Variants in ALDH1L2 observed in about 807,000 individuals in gnomAD.
ALDH1L2 encodes aldehyde dehydrogenase 1 family member L2.
Under a neutral mutation model 111.0 loss-of-function variants are expected in ALDH1L2, and 91 were observed. The observed-to-expected ratio is 0.82, with a 90% CI of 0.69 to 0.98. The LOEUF (loss-of-function observed/expected upper bound fraction) is 0.98. Among genes scored for constraint, ALDH1L2 ranks in the 50% least tolerant of loss-of-function variants. ALDH1L2 has a pLI of 0.00. For missense variants in ALDH1L2, 995 were observed against 1,126.8 expected (o/e 0.88, Z 1.67); for synonymous variants, 374 against 392.6 (o/e 0.95, Z 0.56).
rs775179131 is a variant in ALDH1L2, at chr12:105,024,435, G to A, written c.2761C>T (p.Leu921=). The change falls in exon 23 of 23, where the codon CTG becomes TTG. Residue 921 remains leucine, a synonymous_variant. Transcript: ENST00000258494. ...NEYLKTKTVT[L]EY ...ATGATGGTGTTGCTCTAATATTCCA[G>A]TGTCACCGTCTTGGTTTTGAGATAT... The A allele has an allele frequency of 5.0e-6, 8 of 1,614,048 alleles. No homozygotes were observed. The East Asian group carries it at 1.3e-4, about 27-fold the overall frequency.
At chr12:105,052,059 T>C in intron 12 of ALDH1L2, 31 bp downstream of exon 12, 2 of 1,534,116 alleles carry the variant, frequency 1.3e-6, no homozygotes, top group Non-Finnish European at 1.7e-6. Context: ...GTTACTTTTC[T>C]AAAAAATAAA....
chr12:105,064,656 C>G (rs1445604996), intron 6 of ALDH1L2, among the ~76,000 whole-genome samples: 2 of 152,168 alleles, frequency 1.3e-5, no homozygotes. Flanking sequence ...CAGAGTGTTG[C>G]TGGAACCCAG....
chr12:105,077,139 G>A (rs750126539), intron 1 of ALDH1L2, among the ~76,000 whole-genome samples: 25 of 152,362 alleles, frequency 1.6e-4, no homozygotes, highest in African/African-American at 5.8e-4. Context: ...TGGAAGTGAC[G>A]TGGGAGACAG....
At chr12:105,033,001 T>C (rs1482548039) in intron 19 of ALDH1L2, among the ~76,000 whole-genome samples, 1 of 152,248 alleles carries the variant, frequency 6.6e-6, no homozygotes, top group Admixed American at 6.5e-5. Flanking sequence ...TCCTCAGTTA[T>C]CTTAACCTAC....
At chr12:105,069,877 T>G (rs1386196515) in intron 3 of ALDH1L2, among the ~76,000 whole-genome samples, 1 of 152,192 alleles carries the variant, frequency 6.6e-6, no homozygotes, top group Non-Finnish European at 1.5e-5. Flanking sequence ...ATACAAATGT[T>G]GTGCAAAGTC....
chr12:105,082,539 T>C (rs1326111744), intron 1 of ALDH1L2, among the ~76,000 whole-genome samples: 1 of 152,248 alleles, frequency 6.6e-6, no homozygotes, highest in African/African-American at 2.4e-5. Flanking sequence ...TCATTCCTTT[T>C]TCCCCCAACT....
intron 10 of ALDH1L2, among the ~76,000 whole-genome samples, chr12:105,057,307 G>A (rs138839281): frequency 4.1e-4 from 62 of 152,162 alleles, no homozygotes; most frequent in African/African-American, 1.3e-3. Context: ...TCATACATTG[G>A]TGGGATTACA....
intron 4 of ALDH1L2, among the ~76,000 whole-genome samples, chr12:105,067,707 C>A (rs1416060373): frequency 6.6e-6 from 1 of 152,122 alleles, no homozygotes; most frequent in Admixed American, 6.5e-5. Flanking sequence ...GCTGACCAAC[C>A]CACCCAAGAG....
intron 1 of ALDH1L2, among the ~76,000 whole-genome samples, chr12:105,083,927 C>T (rs1013626771): frequency 6.6e-6 from 1 of 152,200 alleles, no homozygotes; most frequent in African/African-American, 2.4e-5. Context: ...GTGCCAGTCT[C>T]GAGCGCTTAC....
intron 19 of ALDH1L2, 102 bp from the exon 20 acceptor site, chr12:105,032,036 C>A: frequency 4.9e-6 from 6 of 1,214,410 alleles, no homozygotes; most frequent in Middle Eastern, 2.2e-4. Context: ...GATGTATTGT[C>A]ATTTAGTCTT....
In ALDH1L2 at chr12:105,044,188, G is replaced by GT. The variant is rs540596065; in HGVS notation, c.1863+2521dup. The stretch of plus-strand genomic sequence containing the variant: ...ATTTCCATGGAGACAGAAACTTTGT[G>GT]TATCTTCATCACTACTACCTATCTG... On this transcript the variant is annotated intron_variant, in intron 15 of 22. Transcript: ENST00000258494. Among the ~76,000 whole-genome samples the GT allele has an allele frequency of 5.9e-5, 9 of 152,298 alleles. No individual in the cohort carries two copies. The East Asian group carries it at 1.5e-3, about 26-fold the overall frequency.
chr12:105,027,005 G>A (rs1346479722), intron 21 of ALDH1L2, among the ~76,000 whole-genome samples: 1 of 152,138 alleles, frequency 6.6e-6, no homozygotes, highest in Admixed American at 6.5e-5. Context: ...AAGTAGCGGG[G>A]ACTACAGGCA....
intron 15 of ALDH1L2, among the ~76,000 whole-genome samples, chr12:105,045,764 G>T (rs994216507): frequency 1.3e-5 from 2 of 151,044 alleles, no homozygotes; most frequent in South Asian, 2.1e-4. Flanking sequence ...TATGCCAAAT[G>T]AAACTGTATT....
chr12:105,024,375 AG>A lies in ALDH1L2; in HGVS notation c.*48del. 6.2e-7 allele frequency: 1 copy of A among 1,601,632 alleles called. No homozygotes were observed. The highest frequency in any genetic ancestry group is 8.6e-7 in the Non-Finnish European group (1 of 1,169,450). ...ACACCCAATCTTCTTAAGTGTGTCCAGAGTTGTAAAGGGCTGTCTGTCAAGG... is the reference window on the plus strand; with the variant it reads ...ACACCCAATCTTCTTAAGTGTGTCCAAGTTGTAAAGGGCTGTCTGTCAAGG... On this transcript the variant is annotated 3_prime_UTR_variant, in exon 23 of 23. Transcript: ENST00000258494.
chr12:105,074,714 G>C (rs1422412563), intron 1 of ALDH1L2, among the ~76,000 whole-genome samples: 1 of 152,054 alleles, frequency 6.6e-6, no homozygotes, highest in Non-Finnish European at 1.5e-5. Context: ...GAGAAACTCT[G>C]TTTTTGAAGA....
At chr12:105,045,449 A>G (rs1050209066) in intron 15 of ALDH1L2, among the ~76,000 whole-genome samples, 3 of 150,800 alleles carry the variant, frequency 2.0e-5, no homozygotes, top group African/African-American at 4.9e-5. Context: ...AATACTATAT[A>G]TATCTACATA....
At position 105,031,860 on chromosome 12, in the gene ALDH1L2, C is replaced by G. The variant is rs149998378; in HGVS notation, c.2319G>C (p.Lys773Asn). 5 of 1,614,020 alleles carry G rather than the reference C, an allele frequency of 3.1e-6. No individual in the cohort carries two copies. In the African/African-American group the frequency reaches 6.7e-5, roughly 22 times the overall value. ...ATTGCAGCAGCTTTTCCAGATGAGC[C>G]TTATGATTTTGGGGCCCATGATCAG... Reference protein sequence around the residue: ...RSTDHGPQNHKAHLEKLLQYC... With the variant: ...RSTDHGPQNHNAHLEKLLQYC... The change falls in exon 20 of 23, where the codon AAG (lysine) becomes AAC (asparagine). Residue 773 changes from lysine (K) to asparagine (N), a missense_variant. Physicochemically the swap from Lys to Asn is moderately conservative, Grantham distance 94. Transcript: ENST00000258494.
Position 105,066,372 on chromosome 12 carries a change from A to G in ALDH1L2, c.696+196T>C, listed in dbSNP as rs144383817. Among the ~76,000 whole-genome samples the G allele has an allele frequency of 6.0e-3, 909 of 152,232 alleles. 2 individuals are homozygous for G. Among genetic ancestry groups the G allele is most frequent in the Middle Eastern group, 0.037 (11 of 294 alleles). The stretch of plus-strand genomic sequence containing the variant: ...ATATGCAAATTTTGAGTGGTCTTCC[A>G]GACACGAGTCTTCCTAGACTTTATT... On this transcript the variant is annotated intron_variant, in intron 5 of 22. Transcript: ENST00000258494.
rs1363784921 is a variant in ALDH1L2, at chr12:105,084,397, T to C, written c.40A>G (p.Thr14Ala). The change falls in exon 1 of 23, where the codon ACT becomes GCT. Residue 14 changes from threonine to alanine, a missense_variant. By Grantham distance (58) the Thr-to-Ala change is moderately conservative. Transcript: ENST00000258494. ...RGSQALRRFSTGRVYFKNKLK... is the reference protein window; with the variant it reads ...RGSQALRRFSAGRVYFKNKLK... Reference sequence around the variant, plus strand: ...GCCCGGGCCGGACTCACCCGGCCAGTGGAGAAGCGCCGGAGCGCCTGGCTG... The same window carrying C: ...GCCCGGGCCGGACTCACCCGGCCAGCGGAGAAGCGCCGGAGCGCCTGGCTG... 2 of 1,497,590 alleles carry C rather than the reference T, an allele frequency of 1.3e-6. No homozygotes were observed. Among genetic ancestry groups the C allele is most frequent in the Admixed American group, 2.2e-5 (1 of 45,596 alleles). 92.8% of individuals were successfully genotyped at this position (1,497,590 alleles called of 1,614,324 possible).
Sources: gnomAD v4.1 joint callset for allele counts (sites outside exome capture counted in the v4.1 genomes callset) on GRCh38, gnomAD v4.1.1 for gene constraint, MANE v1.5 for transcripts, NCBI Gene and HGNC (gene_info 2026-07-23, HGNC 2026-07-21) for gene names.